PTPRM: variants seen among roughly 807,000 people sequenced by gnomAD.
PTPRM encodes the protein protein tyrosine phosphatase receptor type M.
A neutral mutation model predicts 186.7 loss-of-function variants in PTPRM; 47 were observed. The observed-to-expected ratio is 0.25, with a 90% CI of 0.20 to 0.32. PTPRM has a LOEUF of 0.32. PTPRM is among the 10% of genes least tolerant of loss of function. The pLI is 1.00. For missense variants in PTPRM, 1,494 were observed against 1,865.0 expected (o/e 0.80, Z 3.66); for synonymous variants, 668 against 674.9 (o/e 0.99, Z 0.16).
intron 1 of PTPRM, among the ~76,000 whole-genome samples, chr18:7,683,032 C>T (rs1255065211): frequency 1.3e-5 from 2 of 152,216 alleles, no homozygotes; most frequent in African/African-American, 4.8e-5. Flanking sequence ...TGTTTAGCCC[C>T]TATTTGAGGT....
chr18:8,376,975 TG>T (rs1187536732), intron 26 of PTPRM: 1 of 176,434 alleles, frequency 5.7e-6, no homozygotes, highest in Non-Finnish European at 1.2e-5. Context: ...GGGTTATCTC[TG>T]TGCACTTTGT....
chr18:8,240,779 A>AGAGAGAGG (rs2094420888), intron 14 of PTPRM, among the ~76,000 whole-genome samples: 6 of 29,588 alleles, frequency 2.0e-4, no homozygotes, highest in African/African-American at 8.8e-4. Flanking sequence ...AGAGAGAGGG[A>AGAGAGAGG]GAGAGAGAGA....
At chr18:8,034,207 G>T (rs1323162498) in intron 7 of PTPRM, among the ~76,000 whole-genome samples, 1 of 151,652 alleles carries the variant, frequency 6.6e-6, no homozygotes, top group East Asian at 1.9e-4. Flanking sequence ...TTATCTTTTG[G>T]GGAACCACTA....
intron 4 of PTPRM, among the ~76,000 whole-genome samples, chr18:7,915,425 T>C (rs2050498345): frequency 6.6e-6 from 1 of 152,104 alleles, no homozygotes; most frequent in Admixed American, 6.5e-5. Context: ...CACCTGATGT[T>C]ACAATTAAAG....
chr18:7,656,981 G>A (rs996741462), intron 1 of PTPRM, among the ~76,000 whole-genome samples: 4 of 152,044 alleles, frequency 2.6e-5, no homozygotes, highest in African/African-American at 9.6e-5. Flanking sequence ...AGGAAGCAGA[G>A]GTATCTCCAT....
In PTPRM at chr18:7,919,739, C is replaced by G. The variant is rs571497822; in HGVS notation, c.548-6829C>G. ...CGTCAGTTATGACTATTTGGTGTAG[C>G]GTGTAGTTTAACTTTAATGTTTCTT... On this transcript the variant is annotated intron_variant, in intron 4 of 32. Transcript: ENST00000580170. Among the ~76,000 whole-genome samples, 427 of 152,130 alleles carry G rather than the reference C, an allele frequency of 2.8e-3. 5 individuals are homozygous for G. Among genetic ancestry groups the G allele is most frequent in the African/African-American group, 9.8e-3 (407 of 41,538 alleles).
intron 5 of PTPRM, among the ~76,000 whole-genome samples, chr18:7,939,154 A>G (rs567685554): frequency 6.6e-6 from 1 of 152,336 alleles, no homozygotes; most frequent in African/African-American, 2.4e-5. Context: ...AAGAATTTCA[A>G]TCAATATCTC....
chr18:8,132,576 C>G (rs1295631449), intron 13 of PTPRM, among the ~76,000 whole-genome samples: 1 of 152,092 alleles, frequency 6.6e-6, no homozygotes, highest in Non-Finnish European at 1.5e-5. Context: ...GAGCCCCAGA[C>G]CATTGTAATT....
intron 20 of PTPRM, among the ~76,000 whole-genome samples, chr18:8,298,726 A>T (rs1054732101): frequency 3.9e-5 from 6 of 152,216 alleles, no homozygotes; most frequent in Admixed American, 3.3e-4. Context: ...AGGGTTAAAG[A>T]GTTTCACGGT....
Position 8,349,510 on chromosome 18 carries a change from C to G in PTPRM, c.3054+5990C>G, listed in dbSNP as rs115361915. On this transcript the variant is annotated intron_variant, in intron 23 of 32. Transcript: ENST00000580170. ...ATAATTTATGCTCATTCAGCAAACA[C>G]TCCTCATCTCAATCTACTGTCATCC... Among the ~76,000 whole-genome samples, 789 of 152,260 alleles carry G rather than the reference C, an allele frequency of 5.2e-3. 6 individuals carry two copies. Among genetic ancestry groups the G allele is most frequent in the African/African-American group, 0.018 (744 of 41,546 alleles).
intron 14 of PTPRM, among the ~76,000 whole-genome samples, chr18:8,167,503 T>A (rs1189672580): frequency 6.6e-6 from 1 of 152,244 alleles, no homozygotes; most frequent in Admixed American, 6.5e-5. Flanking sequence ...TCTTATTACT[T>A]CTTCCATTGT....
intron 12 of PTPRM, among the ~76,000 whole-genome samples, 187 bp downstream of exon 12, chr18:8,113,946 C>CTTT (rs35576891): frequency 0.045 from 6,568 of 146,714 alleles, 328 homozygotes; most frequent in African/African-American, 0.13. Context: ...ATATACTCAT[C>CTTT]TTTTTTTTTT....
At chr18:7,615,502 C>T (rs150895748) in intron 1 of PTPRM, among the ~76,000 whole-genome samples, 4 of 152,244 alleles carry the variant, frequency 2.6e-5, no homozygotes, top group African/African-American at 9.6e-5. Context: ...AGTACCTCTC[C>T]AGCCTAGTCT....
intron 7 of PTPRM, among the ~76,000 whole-genome samples, chr18:8,000,843 C>G (rs561381309): frequency 6.6e-6 from 1 of 152,168 alleles, no homozygotes; most frequent in African/African-American, 2.4e-5. Context: ...CAATTGCCAA[C>G]GTTTATGTGC....
Position 8,176,205 on chromosome 18 carries a change from T to TAG in PTPRM, c.2300+32449_2300+32450dup, listed in dbSNP as rs3046337. Among the ~76,000 whole-genome samples, 987 of 149,730 alleles carry TAG rather than the reference T, an allele frequency of 6.6e-3. 12 individuals carry two copies. The highest frequency in any genetic ancestry group is 0.02 in the African/African-American group (832 of 40,802). On this transcript the variant is annotated intron_variant, in intron 14 of 32. Transcript: ENST00000580170. ...AATTGCTTGTTGTATGGCAGTATAA[T>TAG]AGAGAGAGAGAGAGAGAGAGAGAGT...
intron 14 of PTPRM, among the ~76,000 whole-genome samples, chr18:8,194,519 C>A (rs1047377517): frequency 6.6e-6 from 1 of 152,350 alleles, no homozygotes; most frequent in South Asian, 2.1e-4. Flanking sequence ...GAAATCCACA[C>A]TGGAAACAGG....
At chr18:7,925,583 G>T (rs1177895005) in intron 4 of PTPRM, among the ~76,000 whole-genome samples, 1 of 152,082 alleles carries the variant, frequency 6.6e-6, no homozygotes, top group Non-Finnish European at 1.5e-5. Context: ...TTTGCAGTGG[G>T]GAAAAGCTGG....
chr18:8,066,899 T>A, intron 7 of PTPRM, among the ~76,000 whole-genome samples: 1 of 152,176 alleles, frequency 6.6e-6, no homozygotes, highest in East Asian at 1.9e-4. Context: ...TTTACCATGA[T>A]GGAATTCTAA....
intron 19 of PTPRM, among the ~76,000 whole-genome samples, chr18:8,285,444 T>G (rs1209480994): frequency 1.3e-5 from 2 of 152,102 alleles, no homozygotes; most frequent in African/African-American, 4.8e-5. Context: ...ACAAGGTGAT[T>G]TTTAGGAGGC....
Sources: gnomAD v4.1 joint callset for allele counts (sites outside exome capture counted in the v4.1 genomes callset) on GRCh38, gnomAD v4.1.1 for gene constraint, MANE v1.5 for transcripts, NCBI Gene and HGNC (gene_info 2026-07-23, HGNC 2026-07-21) for gene names.